The following NTM variants were observed in gnomAD, a reference collection of about 807,000 sequenced individuals.
NTM encodes IgLON family member 2.
Under a neutral mutation model 42.1 loss-of-function variants are expected in NTM, and 13 were observed. The observed-to-expected ratio is 0.31, with a 90% CI of 0.20 to 0.49. NTM has a LOEUF of 0.49. Among genes scored for constraint, NTM ranks in the 20% least tolerant of loss-of-function variants. The pLI, the probability that NTM is intolerant of heterozygous loss-of-function variation, is 0.99. For synonymous variants in NTM, 187 were observed against 179.2 expected, an observed-to-expected ratio of 1.04 and a Z score of -0.35; for missense variants, 373 against 452.8, an observed-to-expected ratio of 0.82 and a Z score of 1.60.
chr11:131,625,053 C>CA (rs1414495345), intron 1 of NTM, among the ~76,000 whole-genome samples: 1 of 152,220 alleles, frequency 6.6e-6, no homozygotes, highest in East Asian at 1.9e-4. Flanking sequence ...GTTTATCTGT[C>CA]ACTGAGCTGG....
At chr11:132,321,562 T>C (rs570357031) in intron 7 of NTM, among the ~76,000 whole-genome samples, 2 of 152,272 alleles carry the variant, frequency 1.3e-5, no homozygotes, top group East Asian at 3.9e-4. Flanking sequence ...TTGGTGTACC[T>C]GAAAGTGATG....
At chr11:131,759,023 G>A (rs767879907) in intron 1 of NTM, among the ~76,000 whole-genome samples, 2 of 152,184 alleles carry the variant, frequency 1.3e-5, no homozygotes, top group Non-Finnish European at 2.9e-5. Context: ...TTTCATCTTT[G>A]AGAAGTTTGG....
At chr11:132,222,189 G>A (rs1324841247) in intron 4 of NTM, among the ~76,000 whole-genome samples, 2 of 152,160 alleles carry the variant, frequency 1.3e-5, no homozygotes, top group Non-Finnish European at 2.9e-5. Context: ...CCCTTGTGTG[G>A]AGGTTGGACT....
At chr11:132,183,167 A>T (rs2077835905) in intron 3 of NTM, among the ~76,000 whole-genome samples, 1 of 152,192 alleles carries the variant, frequency 6.6e-6, no homozygotes, top group Non-Finnish European at 1.5e-5. Context: ...TAAGACCAGC[A>T]CATAGTAGTT....
chr11:131,556,506 T>C (rs1201621486), intron 1 of NTM, among the ~76,000 whole-genome samples: 2 of 152,194 alleles, frequency 1.3e-5, no homozygotes, highest in Non-Finnish European at 2.9e-5. Context: ...TTAAAGTTTC[T>C]GTGCCTCAGT....
At chr11:132,299,974 C>A (rs2094782537) in intron 4 of NTM, among the ~76,000 whole-genome samples, 1 of 151,972 alleles carries the variant, frequency 6.6e-6, no homozygotes, top group African/African-American at 2.4e-5. Flanking sequence ...AAACCAGAGA[C>A]ATTTTTTAAG....
chr11:131,743,031 A>G (rs2081374124), intron 1 of NTM, among the ~76,000 whole-genome samples: 4 of 152,150 alleles, frequency 2.6e-5, no homozygotes, highest in Admixed American at 2.0e-4. Context: ...GCTTTGTTTG[A>G]TTGTTCAGTT....
At chr11:131,956,934 A>C (rs1357754017) in intron 2 of NTM, among the ~76,000 whole-genome samples, 1 of 152,146 alleles carries the variant, frequency 6.6e-6, no homozygotes, top group East Asian at 1.9e-4. Flanking sequence ...ACTGCCTGGA[A>C]AGATGAGCAA....
chr11:132,231,261 A>G (rs2087497921), intron 4 of NTM, among the ~76,000 whole-genome samples: 1 of 152,200 alleles, frequency 6.6e-6, no homozygotes, highest in East Asian at 1.9e-4. Context: ...GGCCTATACT[A>G]TTCTCAGATG....
chr11:131,451,270 G>A (rs182277190), intron 1 of NTM, among the ~76,000 whole-genome samples: 1 of 152,306 alleles, frequency 6.6e-6, no homozygotes, highest in African/African-American at 2.4e-5. Context: ...TTCGAGCTTA[G>A]CCAGGAAACC....
At position 131,828,396 on chromosome 11, in the gene NTM, T is replaced by G. The variant is rs138949732; in HGVS notation, c.83-83168T>G. Among the ~76,000 whole-genome samples the G allele has an allele frequency of 3.5e-3, 527 of 152,030 alleles. 3 individuals are homozygous for G. Among genetic ancestry groups the G allele is most frequent in the African/African-American group, 0.011 (475 of 41,508 alleles). ...ACTGCAACATCACCACCATCACTCA[T>G]CATCAGCATCACTACCACCTTCACC... On this transcript the variant is annotated intron_variant, in intron 1 of 8. Transcript: ENST00000683400.
At chr11:131,852,869 T>TCCACCCATCCGTACATCCATCCATCCAC in intron 1 of NTM, among the ~76,000 whole-genome samples, 5 of 149,848 alleles carry the variant, frequency 3.3e-5, no homozygotes, top group African/African-American at 1.2e-4. Context: ...TATCCATCCA[T>TCCACCCATCCGTACATCCATCCATCCAC]CCACCCATCC....
At chr11:131,994,659 C>T (rs2067659619) in intron 2 of NTM, among the ~76,000 whole-genome samples, 1 of 152,124 alleles carries the variant, frequency 6.6e-6, no homozygotes, top group Non-Finnish European at 1.5e-5. Flanking sequence ...TCCTGTGGCT[C>T]TACACAGACA....
At chr11:131,890,160 C>CTGTA (rs1555167730) in intron 1 of NTM, among the ~76,000 whole-genome samples, 133 of 147,804 alleles carry the variant, frequency 9.0e-4, no homozygotes, top group Non-Finnish European at 9.7e-4. Flanking sequence ...CTCTCTGTCT[C>CTGTA]TCTCTCTCTC....
intron 3 of NTM, among the ~76,000 whole-genome samples, chr11:132,206,705 A>T (rs2082040093): frequency 6.6e-6 from 1 of 152,040 alleles, no homozygotes; most frequent in Non-Finnish European, 1.5e-5. Flanking sequence ...CTGCCTTCCC[A>T]TCTGTGCCCA....
chr11:131,908,282 C>A (rs934448339), intron 1 of NTM, among the ~76,000 whole-genome samples: 5 of 152,206 alleles, frequency 3.3e-5, no homozygotes, highest in African/African-American at 1.2e-4. Flanking sequence ...GAAGCAATGG[C>A]AGGCAAATGT....
At chr11:132,104,937 G>GTGTA (rs1169190929) in intron 2 of NTM, among the ~76,000 whole-genome samples, 107 of 61,814 alleles carry the variant, frequency 1.7e-3, no homozygotes, top group Non-Finnish European at 2.0e-3. Flanking sequence ...ATATACATAT[G>GTGTA]TATATATATA....
chr11:131,432,839 C>CATTTTTTTTTTTTT (rs1565494793), intron 1 of NTM, among the ~76,000 whole-genome samples: 16 of 68,682 alleles, frequency 2.3e-4, no homozygotes, highest in Admixed American at 3.9e-4. Context: ...ATTTAGCATT[C>CATTTTTTTTTTTTT]TTTTTTTTTT....
chr11:131,898,272 G>T (rs2052604159), intron 1 of NTM, among the ~76,000 whole-genome samples: 2 of 152,212 alleles, frequency 1.3e-5, no homozygotes, highest in Non-Finnish European at 2.9e-5. Context: ...GAAGGAAAGG[G>T]AACCAGTGCT....
Sources: allele counts gnomAD v4.1 joint callset (sites outside exome capture counted in the v4.1 genomes callset), GRCh38; gene constraint gnomAD v4.1.1; transcripts MANE v1.5; gene names NCBI Gene and HGNC (gene_info 2026-07-23, HGNC 2026-07-21).